Variants in ERN2 observed in about 807,000 individuals in gnomAD.
ERN2 encodes the protein endoplasmic reticulum to nucleus signaling 2, also known as serine/threonine-protein kinase/endoribonuclease IRE2.
ERN2 carries 111 observed loss-of-function variants against 107.9 expected under a neutral mutation model. The observed-to-expected ratio is 1.03, with a 90% CI of 0.88 to 1.20. The LOEUF is 1.20. ERN2 is among the 50% of genes most tolerant of loss of function. The pLI, the probability that ERN2 is intolerant of heterozygous loss-of-function variation, is 0.00. For missense variants in ERN2, 1,225 were observed against 1,197.9 expected (o/e 1.02, Z -0.33); for synonymous variants, 524 against 501.7 (o/e 1.04, Z -0.59).
At position 23,710,831 on chromosome 16, in the gene ERN2, G is replaced by A; in HGVS notation, c.199+82C>T. 6 of 1,071,120 alleles carry A rather than the reference G, an allele frequency of 5.6e-6. No homozygotes were observed. The South Asian group carries it at 8.0e-5, about 14-fold the overall frequency. 66.4% of individuals were successfully genotyped at this position (1,071,120 alleles called of 1,614,324 possible). The stretch of plus-strand genomic sequence containing the variant: ...CAGCTTATTGGATTCTAGAGCCCAT[G>A]TTCTTATTCTCTATGCCACAGTGAC... On this transcript the variant is annotated intron_variant, in intron 2 of 21. Coordinates refer to ENST00000256797, the MANE Select transcript of ERN2 (RefSeq NM_033266.4).
At chr16:23,691,803 T>C (rs1959606444) in intron 19 of ERN2, among the ~76,000 whole-genome samples, 160 bp downstream of exon 19, 1 of 151,938 alleles carries the variant, frequency 6.6e-6, no homozygotes, top group Non-Finnish European at 1.5e-5. Context: ...GATGGCGGAG[T>C]TTAGGAGTCC....
chr16:23,692,015 A>G lies in ERN2; in HGVS notation c.2324T>C (p.Val775Ala), dbSNP rs779279466. 2 of 1,613,852 alleles carry G rather than the reference A, an allele frequency of 1.2e-6. No individual in the cohort carries two copies. Among genetic ancestry groups the G allele is most frequent in the South Asian group, 2.2e-5 (2 of 91,064 alleles). Residue 775 changes from valine to alanine, a missense_variant, in exon 19 of 22, where the codon GTG becomes GCG. Val to Ala is a moderately conservative substitution (Grantham distance 64). Coordinates refer to ENST00000256797, the MANE Select transcript of ERN2 (RefSeq NM_033266.4). Reference protein sequence around the residue: ...LPQPRPSAPQVLAHPFFWSRA... With the variant: ...LPQPRPSAPQALAHPFFWSRA... Reference sequence around the variant, plus strand: ...GCTCCAAAAGAAGGGGTGGGCCAGCACCTGGGGGGCAGAGGGGCGTGGCTG... The same window carrying G: ...GCTCCAAAAGAAGGGGTGGGCCAGCGCCTGGGGGGCAGAGGGGCGTGGCTG...
rs1597138651 is a variant in ERN2 at position 23,690,747 on chromosome 16, A to T, written c.*84T>A. The T allele has an allele frequency of 3.8e-6, 3 of 791,416 alleles. No homozygotes were observed. Among genetic ancestry groups the T allele is most frequent in the Non-Finnish European group, 5.4e-6 (3 of 555,412 alleles). The allele number at this position is 791,416 out of a possible 1,614,324, so 49.0% of individuals were successfully genotyped here. On this transcript the variant is annotated 3_prime_UTR_variant, in exon 22 of 22. Coordinates refer to ENST00000256797, the MANE Select transcript of ERN2 (RefSeq NM_033266.4). ...TGGGATTACAGGTGTGAGCCACTGC[A>T]CCCAGCCTGATTCTGAGGCCAGCCA...
intron 11 of ERN2, 91 bp downstream of exon 11, chr16:23,702,061 A>T: frequency 7.2e-7 from 1 of 1,382,402 alleles, no homozygotes; most frequent in Non-Finnish European, 9.9e-7. Context: ...CCCGAGTGTT[A>T]TTCTTAGCAG....
intron 8 of ERN2, 75 bp from the exon 9 acceptor site, chr16:23,702,777 C>A: frequency 8.0e-7 from 1 of 1,246,814 alleles, no homozygotes; most frequent in Non-Finnish European, 1.2e-6. Context: ...GGTACTCATG[C>A]CCTTGTATAT....
intron 5 of ERN2, 63 bp downstream of exon 5, chr16:23,706,944 C>G: frequency 6.3e-7 from 1 of 1,584,062 alleles, no homozygotes. Context: ...AATTAGCCGT[C>G]ACGACTTAGA....
intron 17 of ERN2, among the ~76,000 whole-genome samples, chr16:23,694,379 A>G (rs1191448136): frequency 1.3e-5 from 2 of 152,128 alleles, no homozygotes; most frequent in Non-Finnish European, 2.9e-5. Context: ...GGGTTTCCCA[A>G]CCTCAGCACA....
rs529097055 is a variant in ERN2, at chr16:23,698,650, A to G, written c.1525+1889T>C. On this transcript the variant is annotated intron_variant, in intron 13 of 21. Transcript: ENST00000256797. ...GCCCAGGCTGGAGTGCAGTGGCGCA[A>G]TCTTGGCTCATTGCAACCTCTGCCT... Among the ~76,000 whole-genome samples the G allele has an allele frequency of 3.5e-4, 54 of 152,170 alleles. 1 individual carries two copies. Among genetic ancestry groups the G allele is most frequent in the African/African-American group, 1.3e-3 (52 of 41,500 alleles).
intron 4 of ERN2, chr16:23,709,188 C>T (rs747112567): frequency 1.8e-5 from 8 of 455,498 alleles, no homozygotes; most frequent in South Asian, 1.2e-4. Flanking sequence ...TCCAGCTACT[C>T]AGGATACTGA....
At position 23,702,489 on chromosome 16, in the gene ERN2, C is replaced by A; in HGVS notation, c.982G>T (p.Val328Leu). ...APADGPTTDE[V>L]TLQVSGEREG... is the part of the protein sequence containing the mutation. ...CGCTCTCCTGAGACTTGGAGTGTCA[C>A]CTCATCTGTGGTGGGGCCATCTGCG... The change falls in exon 10 of 22, where the codon GTG (valine) becomes TTG (leucine). Residue 328 changes from valine (V) to leucine (L), a missense_variant. Transcript: ENST00000256797. The A allele has an allele frequency of 6.2e-7, 1 of 1,613,774 alleles. No homozygotes were observed. The highest frequency in any genetic ancestry group is 8.5e-7 in the Non-Finnish European group (1 of 1,180,026).
rs750839123 is a variant in ERN2, at chr16:23,700,602, G to A, written c.1462C>T (p.Arg488Trp). ...CTCTGAAGCCTCTTCTGGCTCCTCC[G>A]GCTGGCCCCCGAGTGCAGGGACTGG... ...DAQSLHSGAS[R>W]RSQKRLQSPS... Residue 488 changes from arginine (R) to tryptophan (W), a missense_variant, in exon 13 of 22, where the codon CGG becomes TGG. By Grantham distance (101) the Arg-to-Trp change is moderately radical (BLOSUM62 -3). Coordinates refer to ENST00000256797, the MANE Select transcript of ERN2 (RefSeq NM_033266.4). 152 of 1,614,128 alleles carry A rather than the reference G, an allele frequency of 9.4e-5. 1 individual carries two copies. In the Middle Eastern group the frequency reaches 9.9e-4, roughly 11 times the overall value.
At chr16:23,699,361 A>G (rs193065740) in intron 13 of ERN2, among the ~76,000 whole-genome samples, 2 of 152,318 alleles carry the variant, frequency 1.3e-5, no homozygotes, top group African/African-American at 4.8e-5. Context: ...TGCCAGCACA[A>G]GTTCACAAAG....
rs754837551 is a variant in ERN2, at chr16:23,695,186, G to A, written c.1800+14C>T. The A allele has an allele frequency of 8.1e-6, 13 of 1,613,686 alleles. No homozygotes were observed. The highest frequency in any genetic ancestry group is 1.1e-5 in the Non-Finnish European group (13 of 1,179,676). On this transcript the variant is annotated intron_variant, in intron 15 of 21. Coordinates refer to ENST00000256797, the MANE Select transcript of ERN2 (RefSeq NM_033266.4). ...CCTTCCCACTCACCCTCCCTGAACC[G>A]CAATGCAACTCACCTCCTGCAAGGA... is the stretch of plus-strand genomic sequence containing the variant.
rs575220184 is a variant in ERN2, at chr16:23,710,964, G to T, written c.148C>A (p.Leu50Ile). The T allele has an allele frequency of 6.2e-6, 10 of 1,614,146 alleles. No homozygotes were observed. The African/African-American group carries it at 1.3e-4, about 22-fold the overall frequency. The stretch of plus-strand genomic sequence containing the variant: ...CCTGTCTGCTTGCTTAGTGCGTGGA[G>T]ACTTCCATCCAAGGTGGACACCAGC... ...LLLVSTLDGSLHALSKQTGDL... is the reference protein window; with the variant it reads ...LLLVSTLDGSIHALSKQTGDL... The change falls in exon 2 of 22, where the codon CTC (leucine) becomes ATC (isoleucine). Residue 50 changes from leucine (L) to isoleucine (I), a missense_variant. By Grantham distance (5) the Leu-to-Ile change is conservative. Coordinates refer to ENST00000256797, the MANE Select transcript of ERN2 (RefSeq NM_033266.4).
intron 14 of ERN2, among the ~76,000 whole-genome samples, chr16:23,695,647 T>C (rs1959783789): frequency 6.9e-6 from 1 of 145,320 alleles, no homozygotes; most frequent in African/African-American, 2.6e-5. Flanking sequence ...CGGAATTGCT[T>C]GAACCTGGGA....
intron 11 of ERN2, 52 bp downstream of exon 11, chr16:23,702,100 C>T (rs1960095012): frequency 1.3e-6 from 2 of 1,570,848 alleles, no homozygotes; most frequent in South Asian, 1.2e-5. Flanking sequence ...GGGCTATTCC[C>T]CCCATCTGCT....
At chr16:23,691,933 T>G (rs759689737) in intron 19 of ERN2, 30 bp downstream of exon 19, 1 of 1,603,980 alleles carries the variant, frequency 6.2e-7, no homozygotes, top group South Asian at 1.1e-5. Flanking sequence ...TTAGGACTTT[T>G]GGGGGCCATT....
In ERN2 at chr16:23,710,994, G is replaced by T. The variant is rs150579346; in HGVS notation, c.118C>A (p.Leu40Ile). The T allele has an allele frequency of 2.5e-5, 41 of 1,613,926 alleles. No individual in the cohort carries two copies. Among genetic ancestry groups the T allele is most frequent in the African/African-American group, 4.0e-5 (3 of 74,930 alleles). Residue 40 changes from leucine to isoleucine, a missense_variant, in exon 2 of 22, where the codon CTC becomes ATC. Coordinates refer to ENST00000256797, the MANE Select transcript of ERN2 (RefSeq NM_033266.4). Reference protein sequence around the residue: ...PQVHTLRPENLLLVSTLDGSL... With the variant: ...PQVHTLRPENILLVSTLDGSL... ...CCATCCAAGGTGGACACCAGCAGGA[G>T]GTTCTCTGGCCTGAGAGTATGAACC... is the stretch of plus-strand genomic sequence containing the variant.
chr16:23,712,567 T>C (rs1447194707), intron 1 of ERN2: 1 of 154,424 alleles, frequency 6.5e-6, no homozygotes, highest in Non-Finnish European at 1.4e-5. Context: ...TGCATTTCTG[T>C]AAGACTCTGC....
Sources: allele counts gnomAD v4.1 joint callset (sites outside exome capture counted in the v4.1 genomes callset), GRCh38; gene constraint gnomAD v4.1.1; transcripts MANE v1.5; gene names NCBI Gene and HGNC (gene_info 2026-07-23, HGNC 2026-07-21).